PRDM5: variants seen among roughly 807,000 people sequenced by gnomAD.
The protein encoded by PRDM5 is PR domain zinc finger protein 5.
In PRDM5, 56 loss-of-function variants were observed where a neutral mutation model predicts 81.2. That is an observed-to-expected ratio of 0.69 (90% confidence interval 0.56 to 0.86). PRDM5 has a LOEUF of 0.86. Among genes scored for constraint, PRDM5 ranks in the 40% least tolerant of loss-of-function variants. The pLI is 0.00. For synonymous variants in PRDM5, 267 were observed against 256.4 expected (o/e 1.04, Z -0.39); for missense variants, 697 against 770.1 (o/e 0.91, Z 1.12).
At chr4:120,710,206 AACACACACACACAG>A in intron 15 of PRDM5, 89 bp downstream of exon 15, 2 of 951,188 alleles carry the variant, frequency 2.1e-6, no homozygotes. Flanking sequence ...CCAGCAATGC[AACACACACACACAG>A]ACACACACAC....
chr4:120,907,061 A>T (rs943287217), intron 2 of PRDM5, among the ~76,000 whole-genome samples: 2 of 151,100 alleles, frequency 1.3e-5, no homozygotes, highest in Non-Finnish European at 3.0e-5. Flanking sequence ...TTGGCTGGGC[A>T]CAGTGGCTCA....
At chr4:120,922,448 A>C in intron 1 of PRDM5, 68 bp downstream of exon 1, 1 of 1,294,076 alleles carries the variant, frequency 7.7e-7, no homozygotes, top group Non-Finnish European at 9.9e-7. Context: ...GCCCTGCGGC[A>C]GGGCGACTCC....
At chr4:120,880,103 G>A (rs1402882139) in intron 2 of PRDM5, among the ~76,000 whole-genome samples, 1 of 152,124 alleles carries the variant, frequency 6.6e-6, no homozygotes. Flanking sequence ...AGGGGAAAAT[G>A]GGGGTAACAC....
intron 14 of PRDM5, among the ~76,000 whole-genome samples, chr4:120,713,956 T>C (rs896253164): frequency 5.3e-5 from 8 of 152,268 alleles, no homozygotes; most frequent in African/African-American, 1.9e-4. Context: ...CAGTTCCTTA[T>C]AAGCGCACTA....
intron 3 of PRDM5, among the ~76,000 whole-genome samples, chr4:120,837,009 C>T (rs1757440152): frequency 6.6e-6 from 1 of 152,122 alleles, no homozygotes; most frequent in Non-Finnish European, 1.5e-5. Context: ...CTATTCTACC[C>T]ACCTGCCTAT....
At chr4:120,718,997 CT>C (rs1359487976) in intron 14 of PRDM5, among the ~76,000 whole-genome samples, 1 of 152,236 alleles carries the variant, frequency 6.6e-6, no homozygotes, top group East Asian at 1.9e-4. Context: ...CAGTTGTTGA[CT>C]TACTTTCTAG....
intron 11 of PRDM5, among the ~76,000 whole-genome samples, chr4:120,784,282 G>T (rs751296239): frequency 4.6e-5 from 7 of 152,034 alleles, no homozygotes; most frequent in Non-Finnish European, 8.8e-5. Context: ...TTCATGGTGC[G>T]TATGTATGAA....
chr4:120,726,180 A>G (rs1225042926), intron 14 of PRDM5, among the ~76,000 whole-genome samples: 1 of 152,160 alleles, frequency 6.6e-6, no homozygotes, highest in Non-Finnish European at 1.5e-5. Context: ...CAAGAGGATG[A>G]TATTTTGTTA....
At chr4:120,810,225 A>T (rs999482222) in intron 8 of PRDM5, among the ~76,000 whole-genome samples, 1 of 152,174 alleles carries the variant, frequency 6.6e-6, no homozygotes, top group African/African-American at 2.4e-5. Context: ...AAATAGCTTA[A>T]ATTTCAACCT....
chr4:120,699,155 AATATAAATATATAT>A lies in PRDM5; in HGVS notation c.1729-3894_1729-3881del, dbSNP rs1442172697. Among the ~76,000 whole-genome samples, 104 of 89,558 alleles carry A rather than the reference AATATAAATATATAT, an allele frequency of 1.2e-3. 3 individuals carry two copies. The Middle Eastern group carries it at 0.026, about 22-fold the overall frequency. The allele number at this position is 89,558 out of a possible 152,430, so 58.8% of individuals were successfully genotyped here. The stretch of plus-strand genomic sequence containing the variant: ...AACAAATGTATAGGCAATTATAGGA[AATATAAATATATAT>A]ATATATATATATATATATATATATA... On this transcript the variant is annotated intron_variant, in intron 15 of 15. Coordinates refer to ENST00000264808, the MANE Select transcript of PRDM5 (RefSeq NM_018699.4).
At chr4:120,726,317 T>C (rs1739402487) in intron 14 of PRDM5, among the ~76,000 whole-genome samples, 1 of 152,248 alleles carries the variant, frequency 6.6e-6, no homozygotes, top group South Asian at 2.1e-4. Context: ...TTCCTTGTTT[T>C]AATTATATCC....
intron 1 of PRDM5, among the ~76,000 whole-genome samples, chr4:120,908,334 T>C (rs1443248209): frequency 6.6e-6 from 1 of 152,234 alleles, no homozygotes; most frequent in African/African-American, 2.4e-5. Flanking sequence ...TGTTGAAATG[T>C]GTGCAGAGGA....
At chr4:120,691,667 T>C (rs945603107), downstream of PRDM5, among the ~76,000 whole-genome samples, 2 of 152,086 alleles carry the variant, frequency 1.3e-5, no homozygotes, top group Non-Finnish European at 2.9e-5. Flanking sequence ...GTTCTTTGTA[T>C]AACCAGGAAT....
intron 15 of PRDM5, among the ~76,000 whole-genome samples, chr4:120,702,211 C>A (rs7437685): frequency 6.6e-6 from 1 of 152,090 alleles, no homozygotes; most frequent in South Asian, 2.1e-4. Flanking sequence ...GTTGAAATGA[C>A]TTTTTGAAAA....
At chr4:120,743,190 G>T (rs1431866221) in intron 14 of PRDM5, among the ~76,000 whole-genome samples, 1 of 151,794 alleles carries the variant, frequency 6.6e-6, no homozygotes, top group Non-Finnish European at 1.5e-5. Flanking sequence ...AGCTTCATAA[G>T]TGAAGGAGAA....
chr4:120,757,015 A>G (rs532066210), intron 13 of PRDM5, among the ~76,000 whole-genome samples: 1 of 152,326 alleles, frequency 6.6e-6, no homozygotes, highest in East Asian at 1.9e-4. Context: ...AAACAAAAAC[A>G]AAAGATTTGC....
chr4:120,733,975 A>T (rs2667182), intron 14 of PRDM5, among the ~76,000 whole-genome samples: 1 of 151,624 alleles, frequency 6.6e-6, no homozygotes. Context: ...GGCAGGGAAG[A>T]ATGTATAAAA....
chr4:120,770,691 T>TTTCTC (rs1388457910), intron 13 of PRDM5, among the ~76,000 whole-genome samples: 1 of 152,140 alleles, frequency 6.6e-6, no homozygotes, highest in Non-Finnish European at 1.5e-5. Flanking sequence ...AATTAGATAA[T>TTTCTC]TTCTCTTTTT....
At chr4:120,899,773 A>C (rs1765040059) in intron 2 of PRDM5, among the ~76,000 whole-genome samples, 2 of 152,206 alleles carry the variant, frequency 1.3e-5, no homozygotes, top group Non-Finnish European at 2.9e-5. Context: ...TTGAAGGCTC[A>C]GTCTCATAAG....
Sources: allele counts gnomAD v4.1 joint callset (sites outside exome capture counted in the v4.1 genomes callset), GRCh38; gene constraint gnomAD v4.1.1; transcripts MANE v1.5; gene names NCBI Gene and HGNC (gene_info 2026-07-23, HGNC 2026-07-21).